DPP10: variants seen among roughly 807,000 people sequenced by gnomAD.
DPP10 encodes the protein inactive dipeptidyl peptidase 10.
A neutral mutation model predicts 120.9 loss-of-function variants in DPP10; 33 were observed. The ratio of observed to expected loss-of-function variants is 0.27; its 90% CI spans 0.21 to 0.37. The LOEUF (loss-of-function observed/expected upper bound fraction) is 0.37. DPP10 is among the 10% of genes least tolerant of loss of function. The pLI is 1.00. For synonymous variants in DPP10, 337 were observed against 326.1 expected (o/e 1.03, Z -0.36); for missense variants, 816 against 942.8 (o/e 0.87, Z 1.76).
intron 19 of DPP10, among the ~76,000 whole-genome samples, chr2:115,799,757 C>T (rs1432103878): frequency 2.7e-5 from 4 of 150,420 alleles, no homozygotes; most frequent in African/African-American, 4.9e-5. Flanking sequence ...CTACAAAGGA[C>T]ATGAACTCAC....
At chr2:114,860,104 A>G (rs17732092) in intron 1 of DPP10, among the ~76,000 whole-genome samples, 38,240 of 152,130 alleles carry the variant, frequency 0.25, 4,859 homozygotes, top group Middle Eastern at 0.33. Flanking sequence ...GATTGCTGAG[A>G]AACCTGGCTT....
At chr2:114,549,682 A>G (rs1201616515) in intron 1 of DPP10, among the ~76,000 whole-genome samples, 6 of 90,320 alleles carry the variant, frequency 6.6e-5, no homozygotes, top group South Asian at 1.1e-3. Context: ...AAAAAAAAAA[A>G]AAAGAGAGAG....
intron 7 of DPP10, among the ~76,000 whole-genome samples, chr2:115,710,150 G>A (rs112618914): frequency 0.012 from 1,866 of 152,054 alleles, 47 homozygotes; most frequent in African/African-American, 0.043. Context: ...AAAAATAAGG[G>A]ACCCACACTA....
Position 115,243,689 on chromosome 2 carries a change from C to T in DPP10, c.61-65550C>T, listed in dbSNP as rs568004363. Among the ~76,000 whole-genome samples the T allele has an allele frequency of 8.6e-4, 131 of 152,006 alleles. 2 individuals carry two copies. Among genetic ancestry groups the T allele is most frequent in the African/African-American group, 2.8e-3 (118 of 41,526 alleles). ...GTCCAAGCAACCAACAAGTATTTGA[C>T]TCATACAAATCTGTATCATGATGTC... On this transcript the variant is annotated intron_variant, in intron 1 of 25. Transcript: ENST00000410059.
intron 2 of DPP10, among the ~76,000 whole-genome samples, chr2:115,330,415 C>G (rs941278774): frequency 6.6e-6 from 1 of 150,978 alleles, no homozygotes; most frequent in Admixed American, 6.6e-5. Context: ...GTTTCTTTTG[C>G]TGTGCAGAAG....
chr2:115,375,603 G>A (rs1043057201), intron 3 of DPP10, among the ~76,000 whole-genome samples: 1 of 152,064 alleles, frequency 6.6e-6, no homozygotes, highest in African/African-American at 2.4e-5. Flanking sequence ...CCAATTTTCT[G>A]TATTAGTTTG....
At chr2:115,744,844 A>AT (rs1376059366) in intron 9 of DPP10, among the ~76,000 whole-genome samples, 1 of 150,172 alleles carries the variant, frequency 6.7e-6, no homozygotes, top group Admixed American at 7.1e-5. Context: ...TGTTTATTGG[A>AT]TTTTTTAATT....
At chr2:114,995,681 C>T (rs1463611535) in intron 1 of DPP10, among the ~76,000 whole-genome samples, 2 of 151,946 alleles carry the variant, frequency 1.3e-5, no homozygotes, top group Non-Finnish European at 2.9e-5. Context: ...AAATTGTGCC[C>T]GGTTTTAGAG....
chr2:115,730,728 T>G (rs1374391525), intron 8 of DPP10, among the ~76,000 whole-genome samples: 2 of 152,178 alleles, frequency 1.3e-5, no homozygotes, highest in East Asian at 3.9e-4. Flanking sequence ...GAGAGTAAAC[T>G]GTTTGTAGGG....
At chr2:115,436,086 T>A (rs758776087) in intron 3 of DPP10, among the ~76,000 whole-genome samples, 1 of 151,826 alleles carries the variant, frequency 6.6e-6, no homozygotes, top group Non-Finnish European at 1.5e-5. Flanking sequence ...CTGTTAATAG[T>A]GGAAATGTTA....
At chr2:114,714,229 G>T (rs914249764) in intron 1 of DPP10, among the ~76,000 whole-genome samples, 18 of 151,908 alleles carry the variant, frequency 1.2e-4, no homozygotes, top group Admixed American at 6.6e-4. Flanking sequence ...AAGCATGCTG[G>T]GTATAAAGGC....
intron 1 of DPP10, among the ~76,000 whole-genome samples, chr2:115,213,871 G>A (rs1439360649): frequency 1.3e-5 from 2 of 151,942 alleles, no homozygotes; most frequent in African/African-American, 4.8e-5. Context: ...TAGATTTTTA[G>A]GCACATTTAA....
In DPP10 at chr2:115,813,106, C is replaced by T. The variant is rs919301635; in HGVS notation, c.1701-1687C>T. 4.0e-5 allele frequency among the ~76,000 whole-genome samples: 6 copies of T among 149,854 alleles called. 1 individual carries two copies. The highest frequency in any genetic ancestry group is 1.5e-4 in the African/African-American group (6 of 39,930). On this transcript the variant is annotated intron_variant, in intron 19 of 25. Transcript: ENST00000410059. ...ACGCCATTCTCCTGCCTCAGCCTCCCGAGTAGCTGGGACTACAGGCGCCCG... is the reference window on the plus strand; with the variant it reads ...ACGCCATTCTCCTGCCTCAGCCTCCTGAGTAGCTGGGACTACAGGCGCCCG...
chr2:114,619,870 A>G (rs577065062), intron 1 of DPP10, among the ~76,000 whole-genome samples: 14 of 152,114 alleles, frequency 9.2e-5, no homozygotes, highest in Admixed American at 2.6e-4. Context: ...TACTGGCACC[A>G]CATTCACTCC....
chr2:114,808,927 C>A (rs1322355834), intron 1 of DPP10, among the ~76,000 whole-genome samples: 1 of 152,052 alleles, frequency 6.6e-6, no homozygotes, highest in African/African-American at 2.4e-5. Context: ...ATAAAATTAT[C>A]TTTTTTATAT....
chr2:115,725,085 A>G (rs558932854), intron 7 of DPP10, among the ~76,000 whole-genome samples: 1 of 152,318 alleles, frequency 6.6e-6, no homozygotes, highest in East Asian at 1.9e-4. Flanking sequence ...ATATCAGGCG[A>G]CTCACTGAAG....
chr2:115,595,872 G>T (rs13014914), intron 5 of DPP10, among the ~76,000 whole-genome samples: 1 of 151,248 alleles, frequency 6.6e-6, no homozygotes, highest in African/African-American at 2.4e-5. Flanking sequence ...CTTTTTACAC[G>T]TCCTACTTTA....
chr2:114,761,299 C>T (rs1271134259), intron 1 of DPP10, among the ~76,000 whole-genome samples: 1 of 152,094 alleles, frequency 6.6e-6, no homozygotes, highest in Non-Finnish European at 1.5e-5. Flanking sequence ...TATTATATCC[C>T]TGTTGGGAGA....
At chr2:115,413,194 G>C (rs765133039) in intron 3 of DPP10, among the ~76,000 whole-genome samples, 3 of 152,128 alleles carry the variant, frequency 2.0e-5, no homozygotes, top group Non-Finnish European at 4.4e-5. Context: ...TCTGTAGTCT[G>C]ACCAGGAGAT....
Sources: gnomAD v4.1 joint callset for allele counts (sites outside exome capture counted in the v4.1 genomes callset) on GRCh38, gnomAD v4.1.1 for gene constraint, MANE v1.5 for transcripts, NCBI Gene and HGNC (gene_info 2026-07-23, HGNC 2026-07-21) for gene names.